Variants in HSPA12B observed in about 807,000 individuals in gnomAD.
HSPA12B encodes heat shock 70 kDa protein 12B.
HSPA12B carries 54 observed loss-of-function variants against 69.3 expected under a neutral mutation model. The ratio of observed to expected loss-of-function variants is 0.78; its 90% CI spans 0.63 to 0.98. The LOEUF is 0.98. HSPA12B is among the 50% of genes least tolerant of loss of function. The pLI, the probability that HSPA12B is intolerant of heterozygous loss-of-function variation, is 0.00. For synonymous variants in HSPA12B, 441 were observed against 436.5 expected (o/e 1.01, Z -0.13); for missense variants, 929 against 999.8 (o/e 0.93, Z 0.96).
chr20:3,747,143 CAG>C (rs1416476166), intron 7 of HSPA12B, among the ~76,000 whole-genome samples: 1 of 152,160 alleles, frequency 6.6e-6, no homozygotes, highest in Admixed American at 6.5e-5. Flanking sequence ...CCCGTGGAGA[CAG>C]AGAGGGCATA....
At position 3,737,107 on chromosome 20, in the gene HSPA12B, T is replaced by TAA. The variant is rs1568471039; in HGVS notation, c.-17-1551_-17-1550insAA. Reference sequence around the variant, plus strand: ...AAATAAATAAATAAATAAATAAATATGAAATACATGTTCTGATTCAGCAGG... The same window carrying TAA: ...AAATAAATAAATAAATAAATAAATATAAGAAATACATGTTCTGATTCAGCAGG... On this transcript the variant is annotated intron_variant, in intron 1 of 12. Transcript: ENST00000254963. This position sits in a 1 kb window ranked among gnomAD's most constrained non-coding sequence, Gnocchi z 4.1. 6.9e-5 allele frequency among the ~76,000 whole-genome samples: 10 copies of TAA among 145,630 alleles called. No homozygotes were observed. The highest frequency in any genetic ancestry group is 3.6e-3 in the Middle Eastern group (1 of 278).
At chr20:3,738,745 C>G (rs1019404175) in intron 2 of HSPA12B, 28 bp downstream of exon 2, 3 of 1,613,730 alleles carry the variant, frequency 1.9e-6, no homozygotes, top group Middle Eastern at 1.7e-4. Flanking sequence ...TCTGCCCTGA[C>G]CCATCACCCA....
chr20:3,748,727 G>A (rs778936232), intron 8 of HSPA12B, among the ~76,000 whole-genome samples: 3 of 152,118 alleles, frequency 2.0e-5, no homozygotes, highest in African/African-American at 4.8e-5. Context: ...TACCCCAGGA[G>A]GAAACTGCTG....
In HSPA12B at chr20:3,742,166, G is replaced by A. The variant is rs911948095; in HGVS notation, c.142-118G>A. 4 of 1,474,460 alleles carry A rather than the reference G, an allele frequency of 2.7e-6. No homozygotes were observed. In the Admixed American group the frequency reaches 7.7e-5, roughly 28 times the overall value. 91.3% of individuals were successfully genotyped at this position (1,474,460 alleles called of 1,614,324 possible). ...GGTGGGGTGGGCCAGGTCCAGGGCTGGTCTGGACCACAGTCAGTGGAGGGG... is the reference window on the plus strand; with the variant it reads ...GGTGGGGTGGGCCAGGTCCAGGGCTAGTCTGGACCACAGTCAGTGGAGGGG... On this transcript the variant is annotated intron_variant, in intron 3 of 12. Coordinates refer to ENST00000254963, the MANE Select transcript of HSPA12B (RefSeq NM_052970.5).
chr20:3,747,398 A>T (rs749154276), intron 7 of HSPA12B, among the ~76,000 whole-genome samples: 2 of 152,182 alleles, frequency 1.3e-5, no homozygotes, highest in African/African-American at 2.4e-5. Flanking sequence ...GGCTGTCCCC[A>T]GCCAGAACAA....
intron 1 of HSPA12B, among the ~76,000 whole-genome samples, chr20:3,735,491 G>A (rs2146550927): frequency 6.7e-6 from 1 of 149,994 alleles, no homozygotes; most frequent in South Asian, 2.1e-4. Context: ...TTGAGATGGG[G>A]TCTCACTCTT....
Position 3,744,872 on chromosome 20 carries a change from G to A in HSPA12B, c.267-30G>A, listed in dbSNP as rs758740863. The A allele has an allele frequency of 2.5e-6, 4 of 1,605,248 alleles. No individual in the cohort carries two copies. The highest frequency in any genetic ancestry group is 1.1e-5 in the South Asian group (1 of 90,730). On this transcript the variant is annotated intron_variant, in intron 4 of 12. Transcript: ENST00000254963. This position sits in a 1 kb window ranked among gnomAD's most constrained non-coding sequence, Gnocchi z 4.9. ...CCTGGATTCCCACCCAAGAAGGGAG[G>A]GTTGCACTGACTGCCCTGTGCCTCC... is the stretch of plus-strand genomic sequence containing the variant.
chr20:3,747,872 G>A (rs182659411), intron 7 of HSPA12B, among the ~76,000 whole-genome samples: 29 of 152,386 alleles, frequency 1.9e-4, no homozygotes, highest in Admixed American at 1.6e-3. Flanking sequence ...TCAGCTGGCC[G>A]CTTGTACCTG....
In HSPA12B at chr20:3,748,221, G is replaced by A. The variant is rs764541315; in HGVS notation, c.680G>A (p.Gly227Glu). The A allele has an allele frequency of 6.4e-7, 1 of 1,563,522 alleles. No individual in the cohort carries two copies. Among genetic ancestry groups the A allele is most frequent in the Admixed American group, 1.8e-5 (1 of 55,620 alleles). The change falls in exon 8 of 13, where the codon GGA becomes GAA. Residue 227 changes from glycine to glutamate, a missense_variant. By Grantham distance (98) the Gly-to-Glu change is moderately conservative (BLOSUM62 -2). Coordinates refer to ENST00000254963, the MANE Select transcript of HSPA12B (RefSeq NM_052970.5). The part of the protein sequence containing the change: ...QFMREAAYLA[G>E]LVSRENAEQL... ...CTGCCCACCACCCATCCCCAGGCTGGACTAGTGTCCCGAGAGAATGCAGAG... is the reference window on the plus strand; with the variant it reads ...CTGCCCACCACCCATCCCCAGGCTGAACTAGTGTCCCGAGAGAATGCAGAG...
chr20:3,740,023 C>T lies in HSPA12B; in HGVS notation c.44-792C>T, dbSNP rs966979336. ...CCCATAAGCCGCCTGATCCTCGGGGCGAGGCCTGGGGCTGTCCTCCAGGGC... is the reference window on the plus strand; with the variant it reads ...CCCATAAGCCGCCTGATCCTCGGGGTGAGGCCTGGGGCTGTCCTCCAGGGC... On this transcript the variant is annotated intron_variant, in intron 2 of 12. Coordinates refer to ENST00000254963, the MANE Select transcript of HSPA12B (RefSeq NM_052970.5). This position sits in a 1 kb window ranked among gnomAD's most constrained non-coding sequence, Gnocchi z 4.9. Among the ~76,000 whole-genome samples, 11 of 152,170 alleles carry T rather than the reference C, an allele frequency of 7.2e-5. No individual in the cohort carries two copies. Among genetic ancestry groups the T allele is most frequent in the Admixed American group, 2.6e-4 (4 of 15,288 alleles).
intron 7 of HSPA12B, among the ~76,000 whole-genome samples, chr20:3,747,772 A>C (rs918614591): frequency 6.6e-6 from 1 of 152,168 alleles, no homozygotes; most frequent in Admixed American, 6.5e-5. Context: ...AGAGGGTTCA[A>C]TGAGCTAAAA....
chr20:3,744,871 G>A lies in HSPA12B; in HGVS notation c.267-31G>A, dbSNP rs371487590. On this transcript the variant is annotated intron_variant, in intron 4 of 12. Coordinates refer to ENST00000254963, the MANE Select transcript of HSPA12B (RefSeq NM_052970.5). The surrounding 1 kb of genome is among the most constrained non-coding windows in gnomAD (Gnocchi z 4.9). ...GCCTGGATTCCCACCCAAGAAGGGA[G>A]GGTTGCACTGACTGCCCTGTGCCTC... 6.2e-7 allele frequency: 1 copy of A among 1,604,292 alleles called. No individual in the cohort carries two copies. Among genetic ancestry groups the A allele is most frequent in the Non-Finnish European group, 8.5e-7 (1 of 1,176,302 alleles).
chr20:3,742,935 G>A (rs1383950703), intron 4 of HSPA12B, among the ~76,000 whole-genome samples: 1 of 151,276 alleles, frequency 6.6e-6, no homozygotes, highest in South Asian at 2.1e-4. Context: ...GTGCAGTGAC[G>A]CAATCTCAGC....
At chr20:3,741,138 A>G (rs898328511) in intron 3 of HSPA12B, among the ~76,000 whole-genome samples, 3 of 151,932 alleles carry the variant, frequency 2.0e-5, no homozygotes, top group African/African-American at 7.3e-5. Flanking sequence ...AGCCCCATGT[A>G]ACTAACTCCC....
At position 3,751,795 on chromosome 20, in the gene HSPA12B, C is replaced by T; in HGVS notation, c.1690C>T (p.Arg564Cys). ...GRHPPEKLLVRDGRRWCTDVF... is the reference protein window; with the variant it reads ...GRHPPEKLLVCDGRRWCTDVF... Reference sequence around the variant, plus strand: ...CCACCCGCCCGAAAAGCTGCTGGTTCGCGACGGCCGCCGCTGGTGCACCGA... The same window carrying T: ...CCACCCGCCCGAAAAGCTGCTGGTTTGCGACGGCCGCCGCTGGTGCACCGA... Residue 564 changes from arginine to cysteine, a missense_variant, in exon 13 of 13, where the codon CGC (arginine) becomes TGC (cysteine). Physicochemically the swap from Arg to Cys is radical, Grantham distance 180. Around this residue, in one of 3 missense-constraint regions of HSPA12B, gnomAD observed 448 missense variants for 448.1 expected, o/e 1.00. Coordinates refer to ENST00000254963, the MANE Select transcript of HSPA12B (RefSeq NM_052970.5). 2 of 1,528,240 alleles carry T rather than the reference C, an allele frequency of 1.3e-6. No individual in the cohort carries two copies. Among genetic ancestry groups the T allele is most frequent in the Non-Finnish European group, 1.7e-6 (2 of 1,143,320 alleles). The allele number at this position is 1,528,240 out of a possible 1,614,324, so 94.7% of individuals were successfully genotyped here.
rs768757652 is a variant in HSPA12B, at chr20:3,748,372, C to T, written c.831C>T (p.Ile277=). The T allele has an allele frequency of 1.0e-5, 16 of 1,599,972 alleles. No homozygotes were observed. Among genetic ancestry groups the T allele is most frequent in the Admixed American group, 5.1e-5 (3 of 58,380 alleles). The change falls in exon 8 of 13, where the codon ATC becomes ATT. Residue 277 remains isoleucine (I), a synonymous_variant. Transcript: ENST00000254963. ...GGGRLGERRS[I]DSSFRQAREQ... ...GGCGCCTGGGTGAGCGCCGCTCCATCGACTCCAGCTTCCGTCAGGGTGAGC... is the reference window on the plus strand; with the variant it reads ...GGCGCCTGGGTGAGCGCCGCTCCATTGACTCCAGCTTCCGTCAGGGTGAGC...
Position 3,744,947 on chromosome 20 carries a change from G to A in HSPA12B, c.312G>A (p.Pro104=), listed in dbSNP as rs1007870616. The A allele has an allele frequency of 2.7e-5, 44 of 1,613,622 alleles. No homozygotes were observed. Among genetic ancestry groups the A allele is most frequent in the Non-Finnish European group, 3.5e-5 (41 of 1,180,042 alleles). The part of the protein sequence containing the change: ...GDPGVAHQKT[P]TCLLLTPEGA... ...CGGGCGTGGCCCACCAGAAGACCCC[G>A]ACCTGCCTGCTGCTGACTCCGGAGG... The change falls in exon 5 of 13, where the codon CCG becomes CCA. Residue 104 remains proline, a synonymous_variant. Coordinates refer to ENST00000254963, the MANE Select transcript of HSPA12B (RefSeq NM_052970.5). The surrounding 1 kb of genome is among the most constrained non-coding windows in gnomAD (Gnocchi z 4.9).
Position 3,742,409 on chromosome 20 carries a change from G to T in HSPA12B, c.266+1G>T. 5 of 1,607,694 alleles carry T rather than the reference G, an allele frequency of 3.1e-6. No individual in the cohort carries two copies. Among genetic ancestry groups the T allele is most frequent in the Non-Finnish European group, 4.3e-6 (5 of 1,174,718 alleles). On this transcript the variant is annotated splice_donor_variant, in intron 4 of 12. Transcript: ENST00000254963. LOFTEE classifies it high-confidence loss of function. ...ACCCTGAGGCCATCCACATGATGAGGTGAGGTCGGCTGGGCTGAGAGAGTG... is the reference window on the plus strand; with the variant it reads ...ACCCTGAGGCCATCCACATGATGAGTTGAGGTCGGCTGGGCTGAGAGAGTG...
intron 2 of HSPA12B, among the ~76,000 whole-genome samples, chr20:3,739,102 T>A (rs572621888): frequency 1.3e-5 from 2 of 152,246 alleles, no homozygotes; most frequent in Middle Eastern, 3.4e-3. Flanking sequence ...CCTGTGTGAG[T>A]GTGTCAGTGA....
Sources: allele counts gnomAD v4.1 joint callset (sites outside exome capture counted in the v4.1 genomes callset), GRCh38; gene constraint gnomAD v4.1.1; regional missense constraint gnomAD v4.1.1; non-coding constraint Gnocchi (gnomAD v3.1); transcripts MANE v1.5; gene names NCBI Gene and HGNC (gene_info 2026-07-23, HGNC 2026-07-21).